Variants in WDR33 observed in about 807,000 individuals in gnomAD.
WDR33 encodes pre-mRNA 3' end processing protein WDR33.
WDR33 carries 47 observed loss-of-function variants against 164.9 expected under a neutral mutation model. That is an observed-to-expected ratio of 0.29 (90% CI 0.23 to 0.36). The LOEUF is 0.36. Ranked by LOEUF, WDR33 falls within the 10% of genes least tolerant of loss-of-function variation. The probability of loss-of-function intolerance (pLI) is 1.00; values close to 1 mark genes in which losing one functional copy is unlikely to be tolerated. For synonymous variants in WDR33, 505 were observed against 589.0 expected (o/e 0.86, Z 2.06); for missense variants, 1,137 against 1,754.1 (o/e 0.65, Z 6.28).
intron 7 of WDR33, among the ~76,000 whole-genome samples, chr2:127,752,163 CCAGAGCTAT>C (rs1687386564): frequency 6.6e-6 from 1 of 152,212 alleles, no homozygotes; most frequent in Non-Finnish European, 1.5e-5. Context: ...TAACATTTTA[CCAGAGCTAT>C]CACTTGTTCA....
chr2:127,701,590 C>T lies in WDR33; in HGVS notation c.*4733G>A. On this transcript the variant is annotated 3_prime_UTR_variant, in exon 22 of 22. Transcript: ENST00000322313. ...GCGCAGGGGAAAGCTGGCGGCCCGG[C>T]GGCCGCGGAGCCGCTGCTCGCCGCG... 2.3e-6 allele frequency: 3 copies of T among 1,330,722 alleles called. No individual in the cohort carries two copies. The highest frequency in any genetic ancestry group is 2.9e-6 in the Non-Finnish European group (3 of 1,033,654). 82.4% of individuals were successfully genotyped at this position (1,330,722 alleles called of 1,614,324 possible).
chr2:127,720,682 G>A lies in WDR33; in HGVS notation c.1672-329C>T, dbSNP rs916936623. Among the ~76,000 whole-genome samples, 2 of 151,674 alleles carry A rather than the reference G, an allele frequency of 1.3e-5. No individual in the cohort carries two copies. Among genetic ancestry groups the A allele is most frequent in the East Asian group, 1.9e-4 (1 of 5,158 alleles). ...TGGGCTCAAGTGATCCTCCCACCTC[G>A]GCCTCCGGAGTAGCTGGGACTACAG... On this transcript the variant is annotated intron_variant, in intron 15 of 21. Transcript: ENST00000322313. The surrounding 1 kb of genome is among the most constrained non-coding windows in gnomAD (Gnocchi z 5.9).
At chr2:127,752,596 C>CAAAAAA (rs34369142) in intron 7 of WDR33, among the ~76,000 whole-genome samples, 137 of 76,254 alleles carry the variant, frequency 1.8e-3, no homozygotes, top group Non-Finnish European at 2.3e-3. Context: ...GACTCCGTCT[C>CAAAAAA]AAAAAAAAAA....
At chr2:127,796,547 C>T (rs59559061) in intron 1 of WDR33, among the ~76,000 whole-genome samples, 310 of 152,120 alleles carry the variant, frequency 2.0e-3, no homozygotes, top group African/African-American at 7.1e-3. Context: ...AAATGAGACC[C>T]TGACTCTACA....
In WDR33 at chr2:127,701,373, A is replaced by T; in HGVS notation, c.*4950T>A. 1.5e-6 allele frequency: 1 copy of T among 685,478 alleles called. No homozygotes were observed. The highest frequency in any genetic ancestry group is 2.0e-6 in the Non-Finnish European group (1 of 494,022). The allele number at this position is 685,478 out of a possible 1,614,324, so 42.5% of individuals were successfully genotyped here. On this transcript the variant is annotated 3_prime_UTR_variant, in exon 22 of 22. Transcript: ENST00000322313. Reference sequence around the variant, plus strand: ...GACCACGGTACTTGGGGACACCACAAAAGTCCGCAGAGCAGGCACCGCGGC... The same window carrying T: ...GACCACGGTACTTGGGGACACCACATAAGTCCGCAGAGCAGGCACCGCGGC...
chr2:127,762,820 AGGGGG>A, intron 7 of WDR33: 1 of 1,307,998 alleles, frequency 7.6e-7, no homozygotes, highest in Admixed American at 3.4e-5. Flanking sequence ...TAAGCAAGTA[AGGGGG>A]AGGCACTCTT....
chr2:127,721,867 G>A lies in WDR33; in HGVS notation c.1640C>T (p.Thr547Ile). Residue 547 changes from threonine (T) to isoleucine (I), a missense_variant, in exon 15 of 22, where the codon ACA becomes ATA. Transcript: ENST00000322313. The surrounding 1 kb of genome is among the most constrained non-coding windows in gnomAD (Gnocchi z 4.9). ...TQAEIEQEMA[T>I]LQYTNPQLLE... ...AAGTTGTGGGTTAGTATATTGTAAT[G>A]TAGCCATTTCTTGCTCAATTTCTGC... The A allele has an allele frequency of 1.2e-6, 2 of 1,613,782 alleles. No individual in the cohort carries two copies. The highest frequency in any genetic ancestry group is 2.7e-5 in the African/African-American group (2 of 74,940).
intron 1 of WDR33, among the ~76,000 whole-genome samples, chr2:127,796,350 G>C (rs570089340): frequency 6.6e-6 from 1 of 151,894 alleles, no homozygotes; most frequent in Admixed American, 6.6e-5. Flanking sequence ...CTGGGATTAC[G>C]GGCATAAACC....
chr2:127,727,602 C>T (rs10211138), intron 7 of WDR33, among the ~76,000 whole-genome samples: 1,574 of 151,982 alleles, frequency 0.01, 19 homozygotes, highest in African/African-American at 0.035. Flanking sequence ...CAGTAACCAC[C>T]GTGCTAGAGC....
rs747197140 is a variant in WDR33 at position 127,713,886 on chromosome 2, C to T, written c.3005G>A (p.Arg1002Lys). Residue 1002 changes from arginine (R) to lysine (K), a missense_variant, in exon 18 of 22, where the codon AGG (arginine) becomes AAG (lysine). This residue lies in a region of WDR33 where 867 missense variants were observed against 1,073.0 expected (regional missense o/e 0.81). Coordinates refer to ENST00000322313, the MANE Select transcript of WDR33 (RefSeq NM_018383.5). This position sits in a 1 kb window ranked among gnomAD's most constrained non-coding sequence, Gnocchi z 6.2. Reference sequence around the variant, plus strand: ...GGGGAAGTCTGGGTGAGGGCCACGCCTATCAGGGGGACCCCTGCAGTCCTG... The same window carrying T: ...GGGGAAGTCTGGGTGAGGGCCACGCTTATCAGGGGGACCCCTGCAGTCCTG... ...GGQDCRGPPD[R>K]RGPHPDFPDD... 6.2e-7 allele frequency: 1 copy of T among 1,614,170 alleles called. No individual in the cohort carries two copies. Among genetic ancestry groups the T allele is most frequent in the Non-Finnish European group, 8.5e-7 (1 of 1,180,012 alleles).
At chr2:127,810,221 T>C (rs144244773) in intron 1 of WDR33, among the ~76,000 whole-genome samples, 1 of 152,330 alleles carries the variant, frequency 6.6e-6, no homozygotes, top group East Asian at 1.9e-4. Context: ...CTTAAGATCA[T>C]GTGTGTAGAA....
intron 1 of WDR33, among the ~76,000 whole-genome samples, chr2:127,779,607 C>G (rs10201940): frequency 0.021 from 3,237 of 152,314 alleles, 124 homozygotes; most frequent in African/African-American, 0.075. Context: ...TCCTAGGAAT[C>G]TGTCAATTGA....
Position 127,714,602 on chromosome 2 carries a change from G to A in WDR33, c.2870-581C>T, listed in dbSNP as rs560114273. Reference sequence around the variant, plus strand: ...AACAGCCCTGCTGGGCTTCAGTGTCGGGGTTTTCTGCACCTCTCTATGGAT... The same window carrying A: ...AACAGCCCTGCTGGGCTTCAGTGTCAGGGTTTTCTGCACCTCTCTATGGAT... On this transcript the variant is annotated intron_variant, in intron 17 of 21. Coordinates refer to ENST00000322313, the MANE Select transcript of WDR33 (RefSeq NM_018383.5). This position sits in a 1 kb window ranked among gnomAD's most constrained non-coding sequence, Gnocchi z 4.3. Among the ~76,000 whole-genome samples the A allele has an allele frequency of 5.9e-5, 9 of 152,276 alleles. No homozygotes were observed. In the East Asian group the frequency reaches 9.6e-4, roughly 16 times the overall value.
chr2:127,730,804 A>G (rs962671411), intron 7 of WDR33, among the ~76,000 whole-genome samples: 3 of 152,226 alleles, frequency 2.0e-5, no homozygotes, highest in African/African-American at 4.8e-5. Context: ...ATGGAAACAA[A>G]GATGAACTTC....
Position 127,763,540 on chromosome 2 carries a change from C to G in WDR33, c.627-381G>C. ...CAGTCTTTTAAATCACACACGAATA[C>G]TGCTCCCAAAATTATCATCAGCTTC... On this transcript the variant is annotated intron_variant, in intron 6 of 21. Coordinates refer to ENST00000322313, the MANE Select transcript of WDR33 (RefSeq NM_018383.5). This position sits in a 1 kb window ranked among gnomAD's most constrained non-coding sequence, Gnocchi z 4.5. 9.8e-7 allele frequency: 1 copy of G among 1,023,358 alleles called. No homozygotes were observed. Among genetic ancestry groups the G allele is most frequent in the Non-Finnish European group, 1.2e-6 (1 of 853,224 alleles). The allele number at this position is 1,023,358 out of a possible 1,614,324, so 63.4% of individuals were successfully genotyped here.
At chr2:127,761,140 T>C (rs1003477483) in intron 7 of WDR33, among the ~76,000 whole-genome samples, 5 of 152,154 alleles carry the variant, frequency 3.3e-5, no homozygotes, top group Non-Finnish European at 7.3e-5. Flanking sequence ...AGCAGCAAAG[T>C]GGTTTTAGAT....
At chr2:127,750,750 A>ATG (rs1455070389) in intron 7 of WDR33, among the ~76,000 whole-genome samples, 3 of 133,768 alleles carry the variant, frequency 2.2e-5, no homozygotes, top group African/African-American at 5.6e-5. Context: ...GCATACATAT[A>ATG]TATGTATACA....
In WDR33 at chr2:127,735,877, TA is replaced by T. The variant is rs1320535895; in HGVS notation, c.725-9101del. 2.0e-6 allele frequency: 2 copies of T among 985,350 alleles called. No homozygotes were observed. The highest frequency in any genetic ancestry group is 3.5e-5 in the African/African-American group (2 of 57,252). 61.0% of individuals were successfully genotyped at this position (985,350 alleles called of 1,614,324 possible). A position where few individuals can be genotyped will look rare whatever the true frequency, so the allele number is the denominator to read the frequency against. On this transcript the variant is annotated intron_variant, in intron 7 of 21. Transcript: ENST00000322313. This position sits in a 1 kb window ranked among gnomAD's most constrained non-coding sequence, Gnocchi z 4.3. ...AACATCAACTTGGAGTGATTACTAT[TA>T]GTCATCTTTGTTGTCCAGTCTAGAA...
chr2:127,788,461 C>T (rs1688695726), intron 1 of WDR33, among the ~76,000 whole-genome samples: 1 of 132,286 alleles, frequency 7.6e-6, no homozygotes, highest in African/African-American at 3.0e-5. Context: ...GGGCGGCTGG[C>T]CGGGCGGGGG....
Sources: gnomAD v4.1 joint callset for allele counts (sites outside exome capture counted in the v4.1 genomes callset) on GRCh38, gnomAD v4.1.1 for gene constraint, gnomAD v4.1.1 regional missense constraint, Gnocchi (gnomAD v3.1) non-coding constraint, MANE v1.5 for transcripts, NCBI Gene and HGNC (gene_info 2026-07-23, HGNC 2026-07-21) for gene names.